HMBOX1: variants seen among roughly 807,000 people sequenced by gnomAD.
HMBOX1 encodes the protein homeobox containing 1.
Under a neutral mutation model 54.5 loss-of-function variants are expected in HMBOX1, and 14 were observed. That is an observed-to-expected ratio of 0.26 (90% confidence interval 0.17 to 0.40). The LOEUF (loss-of-function observed/expected upper bound fraction) is 0.40, where lower values mean the gene tolerates loss of function less well. HMBOX1 is among the 10% of genes least tolerant of loss of function. The pLI is 1.00. For synonymous variants in HMBOX1, 160 were observed against 181.0 expected (o/e 0.88, Z 0.93); for missense variants, 332 against 514.4 (o/e 0.65, Z 3.43).
At chr8:28,988,263 A>T (rs1830444543) in intron 4 of HMBOX1, among the ~76,000 whole-genome samples, 2 of 152,196 alleles carry the variant, frequency 1.3e-5, no homozygotes, top group Admixed American at 6.5e-5. Context: ...TCAGTTATTT[A>T]TGACTTTTGA....
At chr8:28,906,080 C>T (rs1814277886) in intron 1 of HMBOX1, among the ~76,000 whole-genome samples, 1 of 152,116 alleles carries the variant, frequency 6.6e-6, no homozygotes, top group Admixed American at 6.6e-5. Context: ...GTCCAGAAAC[C>T]AGCATTTTAG....
At chr8:29,004,379 C>G (rs1337791588) in intron 4 of HMBOX1, among the ~76,000 whole-genome samples, 1 of 152,076 alleles carries the variant, frequency 6.6e-6, no homozygotes, top group Non-Finnish European at 1.5e-5. Flanking sequence ...TCCAGCATTC[C>G]AAGGAGGAAG....
chr8:28,958,400 C>T (rs866355628), intron 1 of HMBOX1, among the ~76,000 whole-genome samples: 1 of 152,092 alleles, frequency 6.6e-6, no homozygotes, highest in Non-Finnish European at 1.5e-5. Context: ...TACCATTTTT[C>T]CTGTAAACTT....
chr8:28,921,521 A>G (rs1219207480), intron 1 of HMBOX1, among the ~76,000 whole-genome samples: 1 of 152,240 alleles, frequency 6.6e-6, no homozygotes, highest in African/African-American at 2.4e-5. Context: ...AAGAATGAAT[A>G]CTACCAATAA....
At chr8:29,024,566 T>C (rs981000232) in intron 6 of HMBOX1, among the ~76,000 whole-genome samples, 3 of 152,244 alleles carry the variant, frequency 2.0e-5, no homozygotes, top group Admixed American at 1.3e-4. Flanking sequence ...AAATGTAAAA[T>C]AAAATGTAAA....
chr8:28,931,391 A>G (rs910909638), intron 1 of HMBOX1, among the ~76,000 whole-genome samples: 10 of 152,190 alleles, frequency 6.6e-5, no homozygotes, highest in African/African-American at 2.4e-4. Context: ...ACTAGAGAAG[A>G]CCATATTTAG....
At chr8:28,925,932 A>C (rs75546336) in intron 1 of HMBOX1, among the ~76,000 whole-genome samples, 2 of 152,338 alleles carry the variant, frequency 1.3e-5, no homozygotes, top group African/African-American at 2.4e-5. Context: ...CTTGATGGTT[A>C]AATGATGTTT....
chr8:29,014,687 T>C (rs916497500), intron 5 of HMBOX1, among the ~76,000 whole-genome samples: 22 of 152,124 alleles, frequency 1.4e-4, no homozygotes, highest in Admixed American at 3.3e-4. Context: ...TTCTTTTTTT[T>C]CCCCCACCCC....
chr8:28,913,008 C>A (rs1815761979), intron 1 of HMBOX1, among the ~76,000 whole-genome samples: 1 of 152,056 alleles, frequency 6.6e-6, no homozygotes, highest in Non-Finnish European at 1.5e-5. Flanking sequence ...ATTCTTACTT[C>A]CTTCATGTTA....
At chr8:28,917,825 A>T (rs914774602) in intron 1 of HMBOX1, among the ~76,000 whole-genome samples, 1 of 152,142 alleles carries the variant, frequency 6.6e-6, no homozygotes, top group African/African-American at 2.4e-5. Context: ...GGAGAATTAC[A>T]TTGACTGATT....
In HMBOX1 at chr8:28,901,145, A is replaced by G. The variant is rs369599387; in HGVS notation, c.-58+10467A>G. Among the ~76,000 whole-genome samples the G allele has an allele frequency of 2.7e-4, 41 of 152,234 alleles. No homozygotes were observed. In the East Asian group the frequency reaches 2.7e-3, roughly 10 times the overall value. On this transcript the variant is annotated intron_variant, in intron 1 of 9. Coordinates refer to ENST00000287701, the MANE Select transcript of HMBOX1 (RefSeq NM_001135726.3). ...AGTGGTTGTTACACCTTATCTTATT[A>G]TTAGTTGTCCTGTTCTTTTTCCTAG... is the stretch of plus-strand genomic sequence containing the variant.
chr8:28,923,976 TGTTAA>T (rs987063980), intron 1 of HMBOX1, among the ~76,000 whole-genome samples: 37 of 152,310 alleles, frequency 2.4e-4, no homozygotes, highest in African/African-American at 8.4e-4. Context: ...TTGTTGTTGT[TGTTAA>T]GTTTAGTAGT....
intron 5 of HMBOX1, chr8:29,009,383 C>T: frequency 2.5e-6 from 2 of 809,358 alleles, no homozygotes; most frequent in Non-Finnish European, 3.0e-6. Flanking sequence ...ATTATCTAGT[C>T]ATATTCACTC....
intron 1 of HMBOX1, among the ~76,000 whole-genome samples, chr8:28,954,965 C>T (rs966011281): frequency 6.6e-6 from 1 of 152,066 alleles, no homozygotes. Context: ...AATACAGTAT[C>T]GACAGGTTCT....
chr8:28,920,713 G>A (rs1817404394), intron 1 of HMBOX1, among the ~76,000 whole-genome samples: 1 of 152,140 alleles, frequency 6.6e-6, no homozygotes, highest in African/African-American at 2.4e-5. Flanking sequence ...CATGCTCAAG[G>A]TGGTGTAGAA....
chr8:28,992,940 CCA>C (rs1031137556), intron 4 of HMBOX1, among the ~76,000 whole-genome samples: 2 of 150,094 alleles, frequency 1.3e-5, no homozygotes, highest in African/African-American at 4.9e-5. Flanking sequence ...TGTTCCTCAG[CCA>C]TATCCCCTTC....
intron 4 of HMBOX1, among the ~76,000 whole-genome samples, chr8:28,988,722 GT>G (rs1277205346): frequency 6.6e-6 from 1 of 151,944 alleles, no homozygotes; most frequent in African/African-American, 2.4e-5. Context: ...TGTTATTCAT[GT>G]ATCTTCTTGG....
chr8:29,010,260 T>C, intron 5 of HMBOX1: 4 of 558,394 alleles, frequency 7.2e-6, no homozygotes, highest in Non-Finnish European at 9.1e-6. Flanking sequence ...TTCTTAGATA[T>C]AATAATTATT....
At chr8:28,936,015 A>G (rs762586336) in intron 1 of HMBOX1, among the ~76,000 whole-genome samples, 2 of 152,130 alleles carry the variant, frequency 1.3e-5, no homozygotes, top group South Asian at 2.1e-4. Flanking sequence ...GAATATATAT[A>G]TAAAGTGCTC....
Sources: allele counts gnomAD v4.1 joint callset (sites outside exome capture counted in the v4.1 genomes callset), GRCh38; gene constraint gnomAD v4.1.1; transcripts MANE v1.5; gene names NCBI Gene and HGNC (gene_info 2026-07-23, HGNC 2026-07-21).